MAG: variants seen among roughly 807,000 people sequenced by gnomAD.
MAG encodes myelin-associated glycoprotein.
Under a neutral mutation model 60.7 loss-of-function variants are expected in MAG, and 30 were observed. That is an observed-to-expected ratio of 0.49 (90% CI 0.37 to 0.67). MAG has a LOEUF of 0.67. Ranked by LOEUF, MAG falls within the 30% of genes least tolerant of loss-of-function variation. The pLI is 0.00. For missense variants in MAG, 795 were observed against 851.7 expected, an observed-to-expected ratio of 0.93 and a Z score of 0.83; for synonymous variants, 384 against 376.8, an observed-to-expected ratio of 1.02 and a Z score of -0.22.
Position 35,302,506 on chromosome 19 carries a change from C to T in MAG, c.1029C>T (p.Val343=). The change falls in exon 7 of 11, where the codon GTC becomes GTT. Residue 343 remains valine, a synonymous_variant. Coordinates refer to ENST00000392213, the MANE Select transcript of MAG (RefSeq NM_002361.4). The stretch of plus-strand genomic sequence containing the variant: ...TGGTGGCCGTAGAGGGGGAGACGGT[C>T]TCTATCTTGTGCTCCACACAGAGCA... ...GTMVAVEGET[V]SILCSTQSNP... The T allele has an allele frequency of 1.2e-5, 20 of 1,614,198 alleles. No individual in the cohort carries two copies. The highest frequency in any genetic ancestry group is 1.7e-5 in the Non-Finnish European group (20 of 1,180,048).
chr19:35,311,365 G>A (rs2066525807), intron 9 of MAG, among the ~76,000 whole-genome samples: 1 of 152,100 alleles, frequency 6.6e-6, no homozygotes, highest in South Asian at 2.1e-4. Flanking sequence ...TCGGGAGGCT[G>A]AGGAGGGAAG....
chr19:35,292,314 C>CT (rs2066362521), intron 1 of MAG, 110 bp downstream of exon 1: 1 of 452,780 alleles, frequency 2.2e-6, no homozygotes, highest in South Asian at 1.6e-5. Context: ...CGCTGTGCAC[C>CT]GCTACTGATT....
rs749714160 is a variant in MAG, at chr19:35,299,674, G to T, written c.536G>T (p.Gly179Val). ...GAGCTGAGCTGGCTGGGCCACGAGG[G>T]GCTGGGGGAGCCCGCTGTGCTGGGC... is the stretch of plus-strand genomic sequence containing the variant. ...RPELSWLGHE[G>V]LGEPAVLGRL... Residue 179 changes from glycine (G) to valine (V), a missense_variant, in exon 5 of 11, where the codon GGG (glycine) becomes GTG (valine). Physicochemically the swap from Gly to Val is moderately radical, Grantham distance 109. Coordinates refer to ENST00000392213, the MANE Select transcript of MAG (RefSeq NM_002361.4). 2.5e-6 allele frequency: 4 copies of T among 1,601,936 alleles called. No homozygotes were observed. Among genetic ancestry groups the T allele is most frequent in the Admixed American group, 1.7e-5 (1 of 58,624 alleles).
chr19:35,300,250 C>T lies in MAG; in HGVS notation c.816C>T (p.Thr272=), dbSNP rs201515942. The part of the protein sequence containing the change: ...GADSNPPPLL[T]WMRDGTVLRE... ...ACAGCAACCCCCCGCCGCTGCTGACCTGGATGCGGGACGGGACAGTCCTCC... is the reference window on the plus strand; with the variant it reads ...ACAGCAACCCCCCGCCGCTGCTGACTTGGATGCGGGACGGGACAGTCCTCC... The change falls in exon 6 of 11, where the codon ACC becomes ACT. Residue 272 remains threonine (T), a synonymous_variant. Transcript: ENST00000392213. 65 of 1,595,250 alleles carry T rather than the reference C, an allele frequency of 4.1e-5. No homozygotes were observed. The highest frequency in any genetic ancestry group is 5.3e-5 in the Non-Finnish European group (62 of 1,174,656).
intron 4 of MAG, among the ~76,000 whole-genome samples, chr19:35,299,166 T>C (rs1408063658): frequency 6.6e-6 from 1 of 152,186 alleles, no homozygotes; most frequent in Non-Finnish European, 1.5e-5. Context: ...GAGCCCACGC[T>C]GACGCCAGAG....
At position 35,301,613 on chromosome 19, in the gene MAG, G is replaced by A. The variant is rs1427089833; in HGVS notation, c.971-835G>A. 2.0e-5 allele frequency among the ~76,000 whole-genome samples: 3 copies of A among 151,998 alleles called. No individual in the cohort carries two copies. In the East Asian group the frequency reaches 5.8e-4, roughly 29 times the overall value. On this transcript the variant is annotated intron_variant, in intron 6 of 10. Transcript: ENST00000392213. ...CACCTGGCTAATTTTTGTATTTGTA[G>A]TAGAGACAGGGTTTCACCATGTTGG...
rs370295577 is a variant in MAG, at chr19:35,313,393, C to T, written c.1820C>T (p.Thr607Ile). The T allele has an allele frequency of 6.2e-7, 1 of 1,614,086 alleles. No homozygotes were observed. The highest frequency in any genetic ancestry group is 8.5e-7 in the Non-Finnish European group (1 of 1,179,980). ...CACTCGGACCTGGGGAAACGGCCCA[C>T]CAAGGACAGCTACACGCTGACGGAG... is the stretch of plus-strand genomic sequence containing the variant. ...YSHSDLGKRP[T>I]KDSYTLTEEL... Residue 607 changes from threonine (T) to isoleucine (I), a missense_variant, in exon 11 of 11, where the codon ACC becomes ATC. Transcript: ENST00000392213.
chr19:35,312,448 G>A (rs878862372), intron 10 of MAG: 10 of 860,610 alleles, frequency 1.2e-5, no homozygotes, highest in Admixed American at 3.8e-5. Flanking sequence ...GGGCCTGCCC[G>A]GCAGTGCTGG....
Position 35,295,851 on chromosome 19 carries a change from G to A in MAG, c.285G>A (p.Leu95=). Residue 95 remains leucine (L), a synonymous_variant, in exon 4 of 11, where the codon CTG becomes CTA. Transcript: ENST00000392213. This position sits in a 1 kb window ranked among gnomAD's most constrained non-coding sequence, Gnocchi z 5.8. ...GCCGCAGCCGCCTCCTGGGGGACCT[G>A]GGCCTGCGAAACTGCACCCTCCTGC... ...FQGRSRLLGD[L]GLRNCTLLLS... is the part of the protein sequence containing the mutation. The A allele has an allele frequency of 6.2e-7, 1 of 1,614,046 alleles. No homozygotes were observed. The highest frequency in any genetic ancestry group is 8.5e-7 in the Non-Finnish European group (1 of 1,180,036).
Position 35,300,187 on chromosome 19 carries a change from C to T in MAG, c.753C>T (p.Ala251=), listed in dbSNP as rs149210442. 6.4e-7 allele frequency: 1 copy of T among 1,565,208 alleles called. No homozygotes were observed. Among genetic ancestry groups the T allele is most frequent in the Admixed American group, 1.8e-5 (1 of 55,968 alleles). The change falls in exon 6 of 11, where the codon GCC becomes GCT. Residue 251 remains alanine (A), a synonymous_variant. Coordinates refer to ENST00000392213, the MANE Select transcript of MAG (RefSeq NM_002361.4). ...VIVEMNSSVE[A]IEGSHVSLLC... is the part of the protein sequence containing the mutation. ...TGGAGATGAACTCCTCGGTGGAGGC[C>T]ATCGAGGGCTCCCACGTGAGCCTGC...
Position 35,295,566 on chromosome 19 carries a change from T to G in MAG, c.47-47T>G. The G allele has an allele frequency of 6.3e-7, 1 of 1,595,088 alleles. No individual in the cohort carries two copies. On this transcript the variant is annotated intron_variant, in intron 3 of 10. Transcript: ENST00000392213. The surrounding 1 kb of genome is among the most constrained non-coding windows in gnomAD (Gnocchi z 5.8). Reference sequence around the variant, plus strand: ...TGGGGATGGGAGCCGGAGGGGGTGATCGGGTAGGACGTGTCCCTGAGCCTC... The same window carrying G: ...TGGGGATGGGAGCCGGAGGGGGTGAGCGGGTAGGACGTGTCCCTGAGCCTC...
rs375895272 is a variant in MAG at position 35,297,639 on chromosome 19, C to T, written c.415+1658C>T. On this transcript the variant is annotated intron_variant, in intron 4 of 10. Coordinates refer to ENST00000392213, the MANE Select transcript of MAG (RefSeq NM_002361.4). ...ACACACTGCACACACTACCCACACA[C>T]CACACACACTACACACACTACACAC... 9.4e-3 allele frequency among the ~76,000 whole-genome samples: 1,396 copies of T among 148,320 alleles called. 28 individuals are homozygous for T. The highest frequency in any genetic ancestry group is 0.033 in the African/African-American group (1,316 of 40,150).
chr19:35,301,227 C>A (rs917262366), intron 6 of MAG, among the ~76,000 whole-genome samples: 4 of 152,066 alleles, frequency 2.6e-5, no homozygotes. Flanking sequence ...GTTGAGGGGA[C>A]TTCAGGCCTC....
intron 7 of MAG, 150 bp from the exon 8 acceptor site, chr19:35,309,724 A>C: frequency 2.4e-6 from 2 of 826,082 alleles, no homozygotes; most frequent in Non-Finnish European, 3.9e-6. Context: ...CAGTCAGGAC[A>C]GAGAAAAAAG....
intron 10 of MAG, chr19:35,312,408 C>A: frequency 7.7e-7 from 1 of 1,300,244 alleles, no homozygotes; most frequent in South Asian, 1.2e-5. Context: ...GTGTCCCTGT[C>A]AGGCGTCAAG....
At chr19:35,301,270 G>A (rs1181766628) in intron 6 of MAG, among the ~76,000 whole-genome samples, 2 of 152,122 alleles carry the variant, frequency 1.3e-5, no homozygotes, top group Non-Finnish European at 2.9e-5. Flanking sequence ...TTATATTACT[G>A]GGCCAGCAAG....
intron 7 of MAG, among the ~76,000 whole-genome samples, chr19:35,305,419 C>T (rs1008301366): frequency 3.3e-5 from 5 of 152,144 alleles, no homozygotes; most frequent in African/African-American, 9.7e-5. Context: ...GTACGTTGTA[C>T]GCATTGACCT....
chr19:35,296,870 CCTG>C (rs1368037030), intron 4 of MAG, among the ~76,000 whole-genome samples: 1 of 149,146 alleles, frequency 6.7e-6, no homozygotes, highest in African/African-American at 2.5e-5. Context: ...ACACACTGCT[CCTG>C]CTACCTACAC....
intron 6 of MAG, among the ~76,000 whole-genome samples, chr19:35,301,877 T>A (rs1466430437): frequency 6.7e-6 from 1 of 149,380 alleles, no homozygotes; most frequent in Non-Finnish European, 1.5e-5. Context: ...CCTGCATGCT[T>A]TTGACATGCA....
Sources: allele counts gnomAD v4.1 joint callset (sites outside exome capture counted in the v4.1 genomes callset), GRCh38; gene constraint gnomAD v4.1.1; non-coding constraint Gnocchi (gnomAD v3.1); transcripts MANE v1.5; gene names NCBI Gene and HGNC (gene_info 2026-07-23, HGNC 2026-07-21).